The following SGMS2 variants were observed in gnomAD, a reference collection of about 807,000 sequenced individuals.
SGMS2 encodes sphingomyelin synthase 2, also known as phosphatidylcholine:ceramide cholinephosphotransferase 2.
A neutral mutation model predicts 43.8 loss-of-function variants in SGMS2; 21 were observed. That is an observed-to-expected ratio of 0.48 (90% confidence interval 0.34 to 0.69). The LOEUF (loss-of-function observed/expected upper bound fraction) is 0.69. Among genes scored for constraint, SGMS2 ranks in the 30% least tolerant of loss-of-function variants. SGMS2 has a pLI of 0.01. For missense variants in SGMS2, 384 were observed against 443.2 expected, an observed-to-expected ratio of 0.87 and a Z score of 1.20; for synonymous variants, 167 against 160.6, an observed-to-expected ratio of 1.04 and a Z score of -0.30.
intron 2 of SGMS2, chr4:107,867,451 T>G (rs1005251194): frequency 6.6e-6 from 1 of 152,214 alleles, no homozygotes; most frequent in African/African-American, 2.4e-5. Flanking sequence ...TCTTCTGACA[T>G]AGCAGGGCTG....
At chr4:107,906,442 C>G (rs1375659714) in intron 5 of SGMS2, among the ~76,000 whole-genome samples, 4 of 152,124 alleles carry the variant, frequency 2.6e-5, no homozygotes, top group Non-Finnish European at 4.4e-5. Flanking sequence ...TAGTAGAGAA[C>G]AGTTTTTTGG....
At chr4:107,845,866 A>G (rs570040508) in intron 1 of SGMS2, among the ~76,000 whole-genome samples, 9 of 152,154 alleles carry the variant, frequency 5.9e-5, no homozygotes, top group East Asian at 1.9e-4. Context: ...ATGAATATGT[A>G]TGTTGAATAG....
intron 2 of SGMS2, chr4:107,863,899 G>C (rs1053930532): frequency 6.6e-6 from 1 of 152,224 alleles, no homozygotes; most frequent in Admixed American, 6.5e-5. Flanking sequence ...TCTGGGAAAG[G>C]GTAAGATAAT....
At chr4:107,866,617 A>C (rs1352191003) in intron 2 of SGMS2, among the ~76,000 whole-genome samples, 2 of 152,074 alleles carry the variant, frequency 1.3e-5, no homozygotes, top group Non-Finnish European at 2.9e-5. Flanking sequence ...TGTTTGGGAA[A>C]TATTAATATA....
chr4:107,900,372 C>G (rs919792610), intron 4 of SGMS2, among the ~76,000 whole-genome samples: 2 of 152,156 alleles, frequency 1.3e-5, no homozygotes, highest in Non-Finnish European at 2.9e-5. Flanking sequence ...CCACAGATCA[C>G]ATAGGGTCTT....
chr4:107,863,553 A>C (rs1263296011), intron 2 of SGMS2: 7 of 152,218 alleles, frequency 4.6e-5, no homozygotes, highest in African/African-American at 1.7e-4. Flanking sequence ...TCATTTAAGA[A>C]AGCTCTTCAA....
intron 5 of SGMS2, 49 bp from the exon 6 acceptor site, chr4:107,908,516 C>T (rs1334478051): frequency 1.3e-6 from 2 of 1,557,800 alleles, no homozygotes; most frequent in Non-Finnish European, 1.8e-6. Context: ...GTAATCATTA[C>T]ATTCATCTCT....
chr4:107,873,487 A>G (rs898116298), intron 2 of SGMS2: 1 of 152,122 alleles, frequency 6.6e-6, no homozygotes, highest in African/African-American at 2.4e-5. Flanking sequence ...GTGAAAATGA[A>G]AAACTGACTT....
chr4:107,831,422 A>G (rs1426502115), intron 1 of SGMS2, among the ~76,000 whole-genome samples: 2 of 152,194 alleles, frequency 1.3e-5, no homozygotes, highest in Non-Finnish European at 2.9e-5. Context: ...TCCACAGGTG[A>G]ACCTCCATTT....
intron 3 of SGMS2, among the ~76,000 whole-genome samples, chr4:107,897,894 T>C (rs189135093): frequency 6.6e-6 from 1 of 152,314 alleles, no homozygotes; most frequent in African/African-American, 2.4e-5. Context: ...GAAAAAGTCA[T>C]TAGCACTAGT....
At position 107,895,759 on chromosome 4, in the gene SGMS2, G is replaced by A; in HGVS notation, c.206G>A (p.Arg69Lys). ...CAAATTGCTATGCCCACTGAATCAA[G>A]GAACAAATTTCCACTAGAGTGGTGG... ...YIQIAMPTES[R>K]NKFPLEWWKT... Residue 69 changes from arginine (R) to lysine (K), a missense_variant, in exon 3 of 7, where the codon AGG becomes AAG. Physicochemically the swap from Arg to Lys is conservative, Grantham distance 26 (BLOSUM62 2). Transcript: ENST00000690982. 1 of 1,613,908 alleles carries A rather than the reference G, an allele frequency of 6.2e-7. No individual in the cohort carries two copies. Among genetic ancestry groups the A allele is most frequent in the Non-Finnish European group, 8.5e-7 (1 of 1,179,946 alleles).
intron 2 of SGMS2, among the ~76,000 whole-genome samples, chr4:107,868,496 C>T (rs765281601): frequency 1.8e-4 from 28 of 152,120 alleles, no homozygotes; most frequent in Admixed American, 5.2e-4. Context: ...GCGGGTGGAT[C>T]ACCTGAGGTC....
chr4:107,862,331 T>C (rs1310084803), intron 2 of SGMS2, among the ~76,000 whole-genome samples: 1 of 152,196 alleles, frequency 6.6e-6, no homozygotes, highest in Non-Finnish European at 1.5e-5. Flanking sequence ...GCTATATATT[T>C]GTATTTATGA....
chr4:107,883,168 G>A (rs1729492292), intron 2 of SGMS2, among the ~76,000 whole-genome samples: 1 of 152,144 alleles, frequency 6.6e-6, no homozygotes, highest in Non-Finnish European at 1.5e-5. Flanking sequence ...ATGAGCTTCA[G>A]ATCTGAACTG....
upstream of SGMS2, chr4:107,824,886 G>A: frequency 6.6e-6 from 1 of 152,416 alleles, no homozygotes; most frequent in Non-Finnish European, 1.5e-5. Context: ...CAGGGAGCGG[G>A]CCGCGCGCGG....
At chr4:107,871,878 T>C (rs768607419) in intron 2 of SGMS2, among the ~76,000 whole-genome samples, 1 of 152,214 alleles carries the variant, frequency 6.6e-6, no homozygotes, top group Non-Finnish European at 1.5e-5. Flanking sequence ...ATTCTTCCTC[T>C]GCTTATAATA....
intron 1 of SGMS2, among the ~76,000 whole-genome samples, 172 bp from the exon 2 acceptor site, chr4:107,858,300 G>T (rs1560642221): frequency 6.6e-6 from 1 of 152,156 alleles, no homozygotes; most frequent in African/African-American, 2.4e-5. Context: ...TGAAGTGTCA[G>T]TACCTGTTAT....
chr4:107,879,117 T>G lies in SGMS2; in HGVS notation c.-244-16193T>G, dbSNP rs573187902. On this transcript the variant is annotated intron_variant, in intron 2 of 6. Transcript: ENST00000690982. ...AATGGTCTACCTGGCCATTTTTTTT[T>G]TTTTTTTAGTGAGAAATAGACCGAT... Among the ~76,000 whole-genome samples, 232 of 151,976 alleles carry G rather than the reference T, an allele frequency of 1.5e-3. 2 individuals carry two copies. The highest frequency in any genetic ancestry group is 5.3e-3 in the African/African-American group (219 of 41,446).
chr4:107,830,816 C>T (rs1375640870), intron 1 of SGMS2, among the ~76,000 whole-genome samples: 1 of 151,952 alleles, frequency 6.6e-6, no homozygotes, highest in Non-Finnish European at 1.5e-5. Flanking sequence ...AAGTGGAGAC[C>T]ACTCAGGAAG....
Sources: allele counts gnomAD v4.1 joint callset (sites outside exome capture counted in the v4.1 genomes callset), GRCh38; gene constraint gnomAD v4.1.1; transcripts MANE v1.5; gene names NCBI Gene and HGNC (gene_info 2026-07-23, HGNC 2026-07-21).